USP42: variants seen among roughly 807,000 people sequenced by gnomAD.
The protein encoded by USP42 is ubiquitin specific peptidase 42.
In USP42, 23 loss-of-function variants were observed where a neutral mutation model predicts 113.0. The ratio of observed to expected loss-of-function variants is 0.20; its 90% CI spans 0.15 to 0.29. The LOEUF (loss-of-function observed/expected upper bound fraction) is 0.29. Among genes scored for constraint, USP42 ranks in the 10% least tolerant of loss-of-function variants. USP42 has a pLI of 1.00. For synonymous variants in USP42, 933 were observed against 699.0 expected (o/e 1.33, Z -5.28); for missense variants, 2,174 against 1,779.8 (o/e 1.22, Z -3.99).
At chr7:6,103,233 C>T (rs1202375325), upstream of USP42, among the ~76,000 whole-genome samples, 1 of 150,864 alleles carries the variant, frequency 6.6e-6, no homozygotes, top group East Asian at 1.9e-4. Flanking sequence ...GTCTCCTAAG[C>T]CTGTACAATG....
intron 2 of USP42, among the ~76,000 whole-genome samples, chr7:6,114,293 C>A (rs1049689697): frequency 2.8e-4 from 43 of 152,076 alleles, no homozygotes; most frequent in African/African-American, 1.0e-3. Context: ...GCAGATGTTA[C>A]AAGGAATCAA....
intron 3 of USP42, among the ~76,000 whole-genome samples, chr7:6,130,112 A>C (rs1375134744): frequency 6.6e-6 from 1 of 151,962 alleles, no homozygotes; most frequent in African/African-American, 2.4e-5. Flanking sequence ...CGACCTCCGA[A>C]AGTGCTAGAA....
rs746370770 is a variant in USP42 at position 6,150,072 on chromosome 7, A to G, written c.1876A>G (p.Asn626Asp). 1.9e-6 allele frequency: 3 copies of G among 1,609,674 alleles called. No individual in the cohort carries two copies. In the South Asian group the frequency reaches 3.3e-5, roughly 18 times the overall value. ...DEESKGLGKE[N>D]GIGTIVSSHS... ...GGAGTCAAAGGGGCTGGGCAAGGAG[A>G]ATGGGATTGGTACGATTGTGAGCTC... Residue 626 changes from asparagine to aspartate, a missense_variant, in exon 13 of 18, where the codon AAT becomes GAT. Asn to Asp is a conservative substitution (Grantham distance 23). Coordinates refer to ENST00000306177, the MANE Select transcript of USP42 (RefSeq NM_032172.3).
intron 8 of USP42, among the ~76,000 whole-genome samples, chr7:6,143,412 C>T (rs1464090487): frequency 3.3e-5 from 5 of 152,074 alleles, no homozygotes; most frequent in Admixed American, 6.5e-5. Context: ...GATAGGGAGG[C>T]TCCTTCTCTC....
chr7:6,091,993 CTT>C, the USP42 span, among the ~76,000 whole-genome samples: 1 of 65,406 alleles, frequency 1.5e-5, no homozygotes, highest in East Asian at 2.9e-4. Flanking sequence ...TCTTCTTCTT[CTT>C]CTTCTTCTTC....
intron 3 of USP42, among the ~76,000 whole-genome samples, chr7:6,119,688 T>C (rs1001493968): frequency 1.3e-5 from 2 of 150,930 alleles, no homozygotes; most frequent in Admixed American, 6.6e-5. Flanking sequence ...TTAGGCCTTG[T>C]TTTTTGTTGT....
chr7:6,134,951 T>C (rs933614974), intron 3 of USP42, among the ~76,000 whole-genome samples: 14 of 152,072 alleles, frequency 9.2e-5, no homozygotes, highest in Non-Finnish European at 1.9e-4. Flanking sequence ...CACACTGGGC[T>C]AATTTTCTTT....
At chr7:6,086,251 G>A in the USP42 span, among the ~76,000 whole-genome samples, 1 of 146,246 alleles carries the variant, frequency 6.8e-6, no homozygotes, top group Non-Finnish European at 1.5e-5. Flanking sequence ...TGTCGCCCAG[G>A]CTGGAGTGTA....
At chr7:6,125,326 T>TA (rs1388234572) in intron 3 of USP42, among the ~76,000 whole-genome samples, 2 of 152,030 alleles carry the variant, frequency 1.3e-5, no homozygotes, top group Non-Finnish European at 1.5e-5. Flanking sequence ...TTGTCTCTAC[T>TA]AAAAATACAA....
rs745888299 is a variant in USP42, at chr7:6,149,833, T to C, written c.1637T>C (p.Leu546Ser). 206 of 1,613,942 alleles carry C rather than the reference T, an allele frequency of 1.3e-4. 1 individual carries two copies. Among genetic ancestry groups the C allele is most frequent in the Non-Finnish European group, 1.5e-4 (181 of 1,179,912 alleles). Residue 546 changes from leucine (L) to serine (S), a missense_variant, in exon 13 of 18, where the codon TTG becomes TCG. Physicochemically the swap from Leu to Ser is moderately radical, Grantham distance 145. Transcript: ENST00000306177. ...CAACCTAACCTTCATAGTAATTCTT[T>C]GGAGAACCCTACCAAGCCCGTTCCC... is the stretch of plus-strand genomic sequence containing the variant. The part of the protein sequence containing the change: ...QSQPNLHSNS[L>S]ENPTKPVPSS...
intron 3 of USP42, among the ~76,000 whole-genome samples, chr7:6,118,185 G>A (rs1472042846): frequency 6.6e-6 from 1 of 151,984 alleles, no homozygotes; most frequent in Non-Finnish European, 1.5e-5. Flanking sequence ...CTTGAGCCCA[G>A]GATTTCAAGA....
chr7:6,155,226 G>A, intron 15 of USP42, 31 bp downstream of exon 15: 1 of 1,491,536 alleles, frequency 6.7e-7, no homozygotes, highest in Non-Finnish European at 8.9e-7. Context: ...TCCCCGAGGC[G>A]CTGGCGCTGC....
At chr7:6,140,875 T>G (rs1454634327) in intron 6 of USP42, 39 bp from the exon 7 acceptor site, 9 of 1,166,120 alleles carry the variant, frequency 7.7e-6, no homozygotes, top group Non-Finnish European at 1.1e-5. Flanking sequence ...CTGTAATGAT[T>G]ATACTTTGCT....
chr7:6,141,562 T>G (rs1015180784), intron 7 of USP42, among the ~76,000 whole-genome samples: 2 of 149,144 alleles, frequency 1.3e-5, no homozygotes, highest in Non-Finnish European at 2.9e-5. Flanking sequence ...TTGGTTATTA[T>G]TATTTTTTTT....
chr7:6,131,726 C>T (rs1278801499), intron 3 of USP42, among the ~76,000 whole-genome samples: 1 of 152,124 alleles, frequency 6.6e-6, no homozygotes, highest in Non-Finnish European at 1.5e-5. Flanking sequence ...AAACTCACCA[C>T]CATGTCTTCC....
At chr7:6,155,652 G>A (rs1782404721) in intron 15 of USP42, among the ~76,000 whole-genome samples, 1 of 152,200 alleles carries the variant, frequency 6.6e-6, no homozygotes, top group Non-Finnish European at 1.5e-5. Flanking sequence ...CACTTTTCCT[G>A]TGCCTGCCCG....
At chr7:6,099,601 G>T in the USP42 span, among the ~76,000 whole-genome samples, 21 of 150,868 alleles carry the variant, frequency 1.4e-4, no homozygotes, top group East Asian at 4.1e-3. Flanking sequence ...ACCTGCCTCA[G>T]CCTCCCAGAG....
the USP42 span, among the ~76,000 whole-genome samples, chr7:6,085,553 A>T: frequency 6.7e-6 from 1 of 149,550 alleles, no homozygotes; most frequent in Admixed American, 6.7e-5. Flanking sequence ...GACCTGCTGT[A>T]TAATAGTGTC....
chr7:6,127,385 C>G (rs535994783), intron 3 of USP42, among the ~76,000 whole-genome samples: 49 of 150,976 alleles, frequency 3.2e-4, no homozygotes, highest in African/African-American at 1.2e-3. Context: ...AGATTTTTTC[C>G]TATGTTAATT....
Sources: gnomAD v4.1 joint callset for allele counts (sites outside exome capture counted in the v4.1 genomes callset) on GRCh38, gnomAD v4.1.1 for gene constraint, MANE v1.5 for transcripts, NCBI Gene and HGNC (gene_info 2026-07-23, HGNC 2026-07-21) for gene names.